The following TACC1 variants were observed in gnomAD, a reference collection of about 807,000 sequenced individuals.
TACC1 encodes transforming acidic coiled-coil-containing protein 1.
In TACC1, 48 loss-of-function variants were observed where a neutral mutation model predicts 84.4. That is an observed-to-expected ratio of 0.57 (90% CI 0.45 to 0.72). The LOEUF (loss-of-function observed/expected upper bound fraction) is 0.72. Ranked by LOEUF, TACC1 falls within the 30% of genes least tolerant of loss-of-function variation. TACC1 has a pLI of 0.00. For missense variants in TACC1, 920 were observed against 973.0 expected (o/e 0.95, Z 0.72); for synonymous variants, 372 against 376.3 (o/e 0.99, Z 0.13).
At chr8:38,798,076 T>G (rs1191813957) in intron 2 of TACC1, among the ~76,000 whole-genome samples, 14 of 152,156 alleles carry the variant, frequency 9.2e-5, no homozygotes, top group Non-Finnish European at 1.8e-4. Flanking sequence ...TCCTCTTACC[T>G]TATAATCTTG....
chr8:38,739,410 C>T (rs2151661944), intron 1 of TACC1, among the ~76,000 whole-genome samples: 1 of 152,320 alleles, frequency 6.6e-6, no homozygotes, highest in East Asian at 1.9e-4. Context: ...TAACGTGGAT[C>T]CCCATGAGAA....
intron 2 of TACC1, chr8:38,742,478 T>G: frequency 6.7e-7 from 1 of 1,495,446 alleles, no homozygotes; most frequent in Non-Finnish European, 8.9e-7. Context: ...ACATTGAATA[T>G]ACCTGGGATG....
rs113715454 is a variant in TACC1, at chr8:38,825,348, G to T, written c.1432G>T (p.Ala478Ser). ...KVKKHETQSL[A>S]LDACSRDEGA... ...GAAGAAGCATGAAACTCAGTCTCTC[G>T]CCCTGGATGCATGTTCTCGGGTGAG... The change falls in exon 4 of 13, where the codon GCC becomes TCC. Residue 478 changes from alanine to serine, a missense_variant. Transcript: ENST00000317827. 34 of 1,614,058 alleles carry T rather than the reference G, an allele frequency of 2.1e-5. No individual in the cohort carries two copies. In the African/African-American group the frequency reaches 2.9e-4, roughly 14 times the overall value.
Position 38,798,101 on chromosome 8 carries a change from G to A in TACC1, c.277+9282G>A, listed in dbSNP as rs963861497. On this transcript the variant is annotated intron_variant, in intron 2 of 12. Transcript: ENST00000317827. ...TTATAATCTTGGCCTTTAGAGATAC[G>A]GTTTGGGTCTCTTTTTATTTTTCTT... 2.0e-4 allele frequency among the ~76,000 whole-genome samples: 31 copies of A among 151,820 alleles called. 1 individual carries two copies. Among genetic ancestry groups the A allele is most frequent in the Middle Eastern group, 6.8e-3 (2 of 294 alleles).
At chr8:38,846,408 CA>C (rs1832296417) in intron 11 of TACC1, 1 of 202,582 alleles carries the variant, frequency 4.9e-6, no homozygotes, top group Admixed American at 6.0e-5. Context: ...TGATCGTCTC[CA>C]AAATTATGCA....
chr8:38,801,728 A>T (rs1821413935), intron 2 of TACC1, among the ~76,000 whole-genome samples: 1 of 152,204 alleles, frequency 6.6e-6, no homozygotes, highest in Non-Finnish European at 1.5e-5. Flanking sequence ...TATGAATTTT[A>T]GAATCAGTCT....
chr8:38,773,068 C>T (rs899084557), intron 3 of TACC1, among the ~76,000 whole-genome samples: 1 of 152,124 alleles, frequency 6.6e-6, no homozygotes, highest in Non-Finnish European at 1.5e-5. Context: ...TGGCTCACGC[C>T]TGTAATCCTA....
chr8:38,729,306 C>T (rs1367678225), intron 1 of TACC1, among the ~76,000 whole-genome samples: 2 of 152,272 alleles, frequency 1.3e-5, no homozygotes, highest in East Asian at 3.9e-4. Flanking sequence ...GCATCAGTGC[C>T]CTGCGTTTAT....
chr8:38,815,668 C>T (rs994756438), intron 2 of TACC1, among the ~76,000 whole-genome samples: 10 of 152,102 alleles, frequency 6.6e-5, no homozygotes, highest in Non-Finnish European at 1.3e-4. Context: ...ATCTGCCCGC[C>T]TCGGCCTCCC....
intron 2 of TACC1, among the ~76,000 whole-genome samples, chr8:38,800,623 A>G (rs555261121): frequency 1.1e-4 from 16 of 152,250 alleles, no homozygotes; most frequent in East Asian, 3.9e-4. Context: ...ACAATACCCC[A>G]TTTTATTGAT....
rs1311183940 is a variant in TACC1 at position 38,819,910 on chromosome 8, T to C, written c.666T>C (p.Leu222=). 1 of 1,614,090 alleles carries C rather than the reference T, an allele frequency of 6.2e-7. No homozygotes were observed. The highest frequency in any genetic ancestry group is 1.7e-5 in the Admixed American group (1 of 60,026). The change falls in exon 3 of 13, where the codon CTT becomes CTC. Residue 222 remains leucine, a synonymous_variant. Coordinates refer to ENST00000317827, the MANE Select transcript of TACC1 (RefSeq NM_006283.3). ...AAGCTGGCAACTCCTGTCCAGAGCT[T>C]GTGCCCAGCAGAAGAAGCAAGCTGA... ...DLKAGNSCPE[L]VPSRRSKLRK...
At chr8:38,746,845 A>G (rs949610480) in intron 3 of TACC1, among the ~76,000 whole-genome samples, 2 of 152,220 alleles carry the variant, frequency 1.3e-5, no homozygotes, top group Non-Finnish European at 2.9e-5. Context: ...AAAATAGAAT[A>G]TATCTTAAAA....
chr8:38,830,620 C>T (rs937253272), intron 5 of TACC1, among the ~76,000 whole-genome samples: 3 of 146,218 alleles, frequency 2.1e-5, no homozygotes, highest in African/African-American at 7.3e-5. Flanking sequence ...AGAGGATAGA[C>T]CTGAGACAAG....
At chr8:38,783,094 C>A (rs1039789629), upstream of TACC1, among the ~76,000 whole-genome samples, 616 of 116,554 alleles carry the variant, frequency 5.3e-3, 3 homozygotes, top group African/African-American at 0.023. Flanking sequence ...ATCTATCTAT[C>A]TATCTATCTA....
chr8:38,819,317 C>G (rs1826145089), intron 2 of TACC1, among the ~76,000 whole-genome samples: 1 of 152,210 alleles, frequency 6.6e-6, no homozygotes, highest in South Asian at 2.1e-4. Flanking sequence ...TGCACATACA[C>G]AACTTGGGAT....
chr8:38,802,199 T>G (rs535487859), intron 2 of TACC1: 1 of 152,438 alleles, frequency 6.6e-6, no homozygotes, highest in South Asian at 2.1e-4. Flanking sequence ...TGTGAGCCAC[T>G]GCTCCTGGCC....
At chr8:38,844,825 A>C (rs1490368073) in intron 11 of TACC1, 1 of 152,216 alleles carries the variant, frequency 6.6e-6, no homozygotes, top group Non-Finnish European at 1.5e-5. Flanking sequence ...TGGATAGAAA[A>C]TATTCTCCCA....
intron 3 of TACC1, among the ~76,000 whole-genome samples, chr8:38,761,765 G>A (rs1811249816): frequency 1.3e-5 from 2 of 152,176 alleles, no homozygotes; most frequent in Admixed American, 1.3e-4. Context: ...TTTTTTAAAT[G>A]TCCATGTGAA....
upstream of TACC1, among the ~76,000 whole-genome samples, chr8:38,786,310 C>G (rs1320222011): frequency 1.3e-5 from 2 of 152,238 alleles, no homozygotes; most frequent in Non-Finnish European, 2.9e-5. Flanking sequence ...TTCCCATTGC[C>G]TTCAAACCTA....
Sources: allele counts gnomAD v4.1 joint callset (sites outside exome capture counted in the v4.1 genomes callset), GRCh38; gene constraint gnomAD v4.1.1; transcripts MANE v1.5; gene names NCBI Gene and HGNC (gene_info 2026-07-23, HGNC 2026-07-21).